The following MGMT variants were observed in gnomAD, a reference collection of about 807,000 sequenced individuals.
MGMT encodes O-6-methylguanine-DNA methyltransferase.
MGMT carries 14 observed loss-of-function variants against 15.9 expected under a neutral mutation model. The observed-to-expected ratio is 0.88, with a 90% confidence interval of 0.58 to 1.37. The LOEUF (loss-of-function observed/expected upper bound fraction) is 1.37. MGMT is among the 40% of genes most tolerant of loss of function. The pLI is 0.00. For missense variants in MGMT, 282 were observed against 268.1 expected, an observed-to-expected ratio of 1.05 and a Z score of -0.36; for synonymous variants, 130 against 118.2, an observed-to-expected ratio of 1.10 and a Z score of -0.65.
At chr10:129,590,009 A>G (rs1358978862) in intron 2 of MGMT, among the ~76,000 whole-genome samples, 1 of 152,176 alleles carries the variant, frequency 6.6e-6, no homozygotes, top group African/African-American at 2.4e-5. Context: ...GGCTGCTCAG[A>G]CAGGATGGGT....
chr10:129,578,201 A>G (rs1846509359), intron 2 of MGMT, among the ~76,000 whole-genome samples: 1 of 152,234 alleles, frequency 6.6e-6, no homozygotes, highest in Non-Finnish European at 1.5e-5. Context: ...CCAAAGGATT[A>G]TAAATCATGC....
intron 2 of MGMT, among the ~76,000 whole-genome samples, chr10:129,654,626 G>C (rs1008520305): frequency 6.6e-6 from 1 of 152,074 alleles, no homozygotes; most frequent in African/African-American, 2.4e-5. Flanking sequence ...GCTGCCTGGA[G>C]CACAGGGCCT....
chr10:129,691,535 G>C (rs1423311979), intron 2 of MGMT, among the ~76,000 whole-genome samples: 1 of 152,212 alleles, frequency 6.6e-6, no homozygotes, highest in East Asian at 1.9e-4. Flanking sequence ...CAGGTTCCTT[G>C]GGGCTGTGGG....
intron 2 of MGMT, among the ~76,000 whole-genome samples, chr10:129,614,234 G>A (rs1245611853): frequency 6.6e-6 from 1 of 152,198 alleles, no homozygotes; most frequent in African/African-American, 2.4e-5. Flanking sequence ...GTCCATCCGT[G>A]TTGTAGCACG....
chr10:129,625,537 T>C (rs1365741392), intron 2 of MGMT, among the ~76,000 whole-genome samples: 1 of 152,214 alleles, frequency 6.6e-6, no homozygotes, highest in Non-Finnish European at 1.5e-5. Context: ...GTTTATTCCA[T>C]TCAAAAATCA....
intron 2 of MGMT, among the ~76,000 whole-genome samples, chr10:129,563,485 A>G (rs987432533): frequency 5.3e-5 from 8 of 151,086 alleles, no homozygotes; most frequent in African/African-American, 1.9e-4. Context: ...CCATTCATGT[A>G]TTTAACAATT....
intron 3 of MGMT, among the ~76,000 whole-genome samples, chr10:129,722,634 G>A (rs577742384): frequency 6.6e-6 from 1 of 152,288 alleles, no homozygotes; most frequent in East Asian, 1.9e-4. Context: ...ACTTAGAACA[G>A]TGCAACAGAG....
chr10:129,564,845 G>T (rs1846335410), intron 2 of MGMT, among the ~76,000 whole-genome samples: 1 of 151,806 alleles, frequency 6.6e-6, no homozygotes, highest in Non-Finnish European at 1.5e-5. Flanking sequence ...AGGCCCTCAG[G>T]CCAGTTCCCG....
intron 2 of MGMT, among the ~76,000 whole-genome samples, chr10:129,666,259 A>G (rs1478092608): frequency 2.6e-5 from 4 of 152,216 alleles, no homozygotes; most frequent in Non-Finnish European, 1.5e-5. Flanking sequence ...CCATGCTTTT[A>G]GAATGCATTT....
intron 3 of MGMT, among the ~76,000 whole-genome samples, chr10:129,730,388 C>T (rs756184896): frequency 4.6e-5 from 7 of 152,074 alleles, no homozygotes; most frequent in Non-Finnish European, 8.8e-5. Context: ...TCATGTTGTT[C>T]GATAACAAGG....
At chr10:129,725,357 C>T (rs149886569) in intron 3 of MGMT, among the ~76,000 whole-genome samples, 1 of 152,356 alleles carries the variant, frequency 6.6e-6, no homozygotes, top group African/African-American at 2.4e-5. Context: ...GTCAGCGCTG[C>T]CCTGTCTGGC....
intron 3 of MGMT, among the ~76,000 whole-genome samples, chr10:129,735,447 C>G (rs1848549475): frequency 6.6e-6 from 1 of 152,152 alleles, no homozygotes; most frequent in South Asian, 2.1e-4. Flanking sequence ...TGATTCTTCT[C>G]TCTCTTTTTC....
intron 2 of MGMT, among the ~76,000 whole-genome samples, chr10:129,547,851 C>T (rs1409930741): frequency 1.3e-5 from 2 of 152,182 alleles, no homozygotes; most frequent in African/African-American, 4.8e-5. Context: ...CTAAACAGAT[C>T]TGCACTGGTC....
In MGMT at chr10:129,767,034, C is replaced by T. The variant is rs199618486; in HGVS notation, c.*37C>T. On this transcript the variant is annotated 3_prime_UTR_variant, in exon 5 of 5. Transcript: ENST00000651593. ...AGGATGGATGTTTGAGCGACACACA[C>T]GTGTAACACTGCATCGGATGCGGGG... 2.4e-5 allele frequency: 36 copies of T among 1,511,108 alleles called. No individual in the cohort carries two copies. The Middle Eastern group carries it at 5.3e-4, about 22-fold the overall frequency. The allele number at this position is 1,511,108 out of a possible 1,614,324, so 93.6% of individuals were successfully genotyped here. A position where few individuals can be genotyped will look rare whatever the true frequency, so the allele number is the denominator to read the frequency against.
At chr10:129,546,981 C>G (rs554220299) in intron 2 of MGMT, among the ~76,000 whole-genome samples, 24 of 152,262 alleles carry the variant, frequency 1.6e-4, no homozygotes, top group African/African-American at 5.8e-4. Flanking sequence ...CCAAACACCC[C>G]AAGTTCTAGA....
At chr10:129,606,207 G>A (rs374137024) in intron 2 of MGMT, among the ~76,000 whole-genome samples, 29 of 152,328 alleles carry the variant, frequency 1.9e-4, no homozygotes, top group African/African-American at 5.5e-4. Flanking sequence ...CAATAATGCC[G>A]AAACTTGCAT....
intron 2 of MGMT, among the ~76,000 whole-genome samples, chr10:129,582,586 T>C (rs1015254436): frequency 6.6e-6 from 1 of 152,218 alleles, no homozygotes; most frequent in African/African-American, 2.4e-5. Flanking sequence ...TTGTTGTTTT[T>C]TTTTTTGATG....
Position 129,741,492 on chromosome 10 carries a change from C to T in MGMT, c.275-17710C>T, listed in dbSNP as rs1848632424. 2.6e-5 allele frequency among the ~76,000 whole-genome samples: 4 copies of T among 152,098 alleles called. No individual in the cohort carries two copies. The South Asian group carries it at 8.3e-4, about 32-fold the overall frequency. ...GAGGTTCGCCAGGACTGCATGTGGC[C>T]CTCGCACCAAGAACCTGACCCATGG... On this transcript the variant is annotated intron_variant, in intron 3 of 4. Coordinates refer to ENST00000651593, the MANE Select transcript of MGMT (RefSeq NM_002412.5).
chr10:129,500,029 GT>G (rs1233371258), intron 1 of MGMT, among the ~76,000 whole-genome samples: 1 of 152,194 alleles, frequency 6.6e-6, no homozygotes, highest in Non-Finnish European at 1.5e-5. Flanking sequence ...ATATTAATAG[GT>G]TAGGTGTTTC....
Sources: allele counts gnomAD v4.1 joint callset (sites outside exome capture counted in the v4.1 genomes callset), GRCh38; gene constraint gnomAD v4.1.1; transcripts MANE v1.5; gene names NCBI Gene and HGNC (gene_info 2026-07-23, HGNC 2026-07-21).